Variants in ZDHHC11B observed in about 807,000 individuals in gnomAD.
ZDHHC11B encodes the protein probable palmitoyltransferase ZDHHC11B.
A neutral mutation model predicts 42.3 loss-of-function variants in ZDHHC11B; 17 were observed. That is an observed-to-expected ratio of 0.40 (90% CI 0.27 to 0.60). ZDHHC11B has a LOEUF of 0.60. Among genes scored for constraint, ZDHHC11B ranks in the 20% least tolerant of loss-of-function variants. The pLI is 0.41. For missense variants in ZDHHC11B, 262 were observed against 463.2 expected (o/e 0.57, Z 3.99); for synonymous variants, 123 against 193.5 (o/e 0.64, Z 3.02).
intron 4 of ZDHHC11B, among the ~76,000 whole-genome samples, chr5:756,365 C>T (rs1324056760): frequency 1.3e-5 from 2 of 151,616 alleles, no homozygotes; most frequent in Non-Finnish European, 2.9e-5. Flanking sequence ...CACACACAGC[C>T]CTGCTCACCC....
chr5:783,161 G>A (rs1736981703), intron 1 of ZDHHC11B, among the ~76,000 whole-genome samples: 1 of 152,204 alleles, frequency 6.6e-6, no homozygotes, highest in African/African-American at 2.4e-5. Context: ...CATGAAAGCT[G>A]CAGACCCCTC....
intron 4 of ZDHHC11B, among the ~76,000 whole-genome samples, chr5:758,081 G>A (rs1734100716): frequency 6.6e-6 from 1 of 151,882 alleles, no homozygotes; most frequent in Non-Finnish European, 1.5e-5. Flanking sequence ...CATCCCGGCT[G>A]TTGTCCCCAT....
chr5:771,746 G>A (rs534847239), intron 1 of ZDHHC11B, among the ~76,000 whole-genome samples: 2 of 151,174 alleles, frequency 1.3e-5, no homozygotes, highest in African/African-American at 4.8e-5. Flanking sequence ...GAACAGTGGT[G>A]GGCGTGCGGG....
chr5:732,658 G>A, intron 11 of ZDHHC11B: 1 of 451,400 alleles, frequency 2.2e-6, no homozygotes, highest in South Asian at 1.6e-5. Context: ...AGTGCGGTGA[G>A]GCGGCCCTGC....
At chr5:716,753 C>G (rs1387775506) in intron 13 of ZDHHC11B, 48 bp downstream of exon 13, 3 of 1,610,686 alleles carry the variant, frequency 1.9e-6, no homozygotes, top group African/African-American at 1.3e-5. Flanking sequence ...CTCTAGAGAA[C>G]CAAACTTGGG....
rs1324390875 is a variant in ZDHHC11B at position 732,688 on chromosome 5, T to A, written c.1023+1064A>T. On this transcript the variant is annotated intron_variant, in intron 11 of 13. Coordinates refer to ENST00000508859, the MANE Select transcript of ZDHHC11B (RefSeq NM_001351303.2). ...CCCTGCCCCCACAGGGAAGGACAAG[T>A]CACCTGTAACCTCCAGAAACTGGCC... is the stretch of plus-strand genomic sequence containing the variant. The A allele has an allele frequency of 9.0e-6, 4 of 445,484 alleles. No homozygotes were observed. In the East Asian group the frequency reaches 2.8e-4, roughly 32 times the overall value. 27.6% of individuals were successfully genotyped at this position (445,484 alleles called of 1,614,324 possible). A position where few individuals can be genotyped will look rare whatever the true frequency, so the allele number is the denominator to read the frequency against.
rs575824598 is a variant in ZDHHC11B at position 777,030 on chromosome 5, G to A, written c.-230+7638C>T. Among the ~76,000 whole-genome samples, 71 of 151,964 alleles carry A rather than the reference G, an allele frequency of 4.7e-4. 1 individual carries two copies. The highest frequency in any genetic ancestry group is 1.7e-3 in the African/African-American group (71 of 41,450). On this transcript the variant is annotated intron_variant, in intron 1 of 13. Coordinates refer to ENST00000508859, the MANE Select transcript of ZDHHC11B (RefSeq NM_001351303.2). Reference sequence around the variant, plus strand: ...TTCCCCCTGCAGCACAGGACGCAGTGTGTCTGGAATTGGTGGGTTATTGGT... The same window carrying A: ...TTCCCCCTGCAGCACAGGACGCAGTATGTCTGGAATTGGTGGGTTATTGGT...
At position 766,208 on chromosome 5, in the gene ZDHHC11B, T is replaced by C. The variant is rs373249436; in HGVS notation, c.222+490A>G. Among the ~76,000 whole-genome samples, 12 of 151,814 alleles carry C rather than the reference T, an allele frequency of 7.9e-5. No homozygotes were observed. The South Asian group carries it at 2.5e-3, about 32-fold the overall frequency. ...GGAGCAGACATGAGTCCCCGCCTGATGGGAGGTGAGAGCAGATGCAGGTCC... is the reference window on the plus strand; with the variant it reads ...GGAGCAGACATGAGTCCCCGCCTGACGGGAGGTGAGAGCAGATGCAGGTCC... On this transcript the variant is annotated intron_variant, in intron 4 of 13. Coordinates refer to ENST00000508859, the MANE Select transcript of ZDHHC11B (RefSeq NM_001351303.2).
chr5:766,887 G>A lies in ZDHHC11B; in HGVS notation c.33C>T (p.Val11=), dbSNP rs1735488316. The part of the protein sequence containing the change: MDTRSGSQCS[V]TPEAIRNNEE... Reference sequence around the variant, plus strand: ...CATTGTTGCGTATGGCTTCTGGGGTGACGGAACACTGGCTCCCGGAGCGGG... The same window carrying A: ...CATTGTTGCGTATGGCTTCTGGGGTAACGGAACACTGGCTCCCGGAGCGGG... The change falls in exon 4 of 14, where the codon GTC becomes GTT. Residue 11 remains valine (V), a synonymous_variant. Coordinates refer to ENST00000508859, the MANE Select transcript of ZDHHC11B (RefSeq NM_001351303.2). The A allele has an allele frequency of 2.5e-6, 4 of 1,612,542 alleles. No individual in the cohort carries two copies. In the African/African-American group the frequency reaches 4.0e-5, roughly 16 times the overall value.
chr5:741,362 T>C (rs913756005), intron 10 of ZDHHC11B, among the ~76,000 whole-genome samples: 17 of 148,968 alleles, frequency 1.1e-4, no homozygotes, highest in Non-Finnish European at 1.8e-4. Flanking sequence ...ATGTTAGTTA[T>C]GAAGAAGGGA....
intron 4 of ZDHHC11B, among the ~76,000 whole-genome samples, chr5:760,546 G>A (rs759713719): frequency 4.0e-5 from 6 of 151,716 alleles, no homozygotes; most frequent in Non-Finnish European, 7.4e-5. Context: ...GCAGGCACCC[G>A]GTTTTTGGTG....
At chr5:777,936 A>C (rs1390879473) in intron 1 of ZDHHC11B, among the ~76,000 whole-genome samples, 3 of 151,774 alleles carry the variant, frequency 2.0e-5, no homozygotes, top group African/African-American at 7.3e-5. Context: ...TGGCCTCGGC[A>C]TGGCGGTCGG....
At chr5:748,208 T>A in intron 8 of ZDHHC11B, 196 bp downstream of exon 8, 1 of 606,252 alleles carries the variant, frequency 1.6e-6, no homozygotes, top group Non-Finnish European at 2.8e-6. Context: ...AATTTCTTCC[T>A]GTGATTTGCC....
intron 9 of ZDHHC11B, among the ~76,000 whole-genome samples, chr5:743,125 T>C (rs1470604151): frequency 6.7e-6 from 1 of 149,118 alleles, no homozygotes; most frequent in African/African-American, 2.5e-5. Flanking sequence ...AACTATAATT[T>C]CTCCCTATTT....
chr5:751,622 G>A (rs1320807003), intron 6 of ZDHHC11B, among the ~76,000 whole-genome samples: 3 of 126,398 alleles, frequency 2.4e-5, no homozygotes, highest in African/African-American at 7.7e-5. Flanking sequence ...CAGGGTGGAG[G>A]TGACAGGTCA....
chr5:733,879 T>A, intron 10 of ZDHHC11B, 40 bp from the exon 11 acceptor site: 1 of 1,558,590 alleles, frequency 6.4e-7, no homozygotes. Context: ...CATCTCAGCT[T>A]TGTGGGGGGG....
chr5:713,970 A>C (rs1397796474), intron 13 of ZDHHC11B, among the ~76,000 whole-genome samples: 1 of 137,806 alleles, frequency 7.3e-6, no homozygotes, highest in Non-Finnish European at 1.6e-5. Flanking sequence ...CCCTCAGGGC[A>C]AAGGCCAGCT....
intron 4 of ZDHHC11B, among the ~76,000 whole-genome samples, chr5:759,972 G>A (rs781701202): frequency 2.6e-5 from 4 of 151,892 alleles, no homozygotes; most frequent in Non-Finnish European, 4.4e-5. Flanking sequence ...CGGGGATGCC[G>A]TCCTGAGCCC....
intron 6 of ZDHHC11B, among the ~76,000 whole-genome samples, chr5:751,744 A>G (rs1745794629): frequency 7.9e-6 from 1 of 126,580 alleles, no homozygotes. Context: ...CCATCCTGTG[A>G]CGCCCCCCCA....
Sources: allele counts gnomAD v4.1 joint callset (sites outside exome capture counted in the v4.1 genomes callset), GRCh38; gene constraint gnomAD v4.1.1; transcripts MANE v1.5; gene names NCBI Gene and HGNC (gene_info 2026-07-23, HGNC 2026-07-21).